Variants in CDKAL1 observed in about 807,000 individuals in gnomAD.
The protein encoded by CDKAL1 is threonylcarbamoyladenosine tRNA methylthiotransferase.
In CDKAL1, 32 loss-of-function variants were observed where a neutral mutation model predicts 68.2. The observed-to-expected ratio is 0.47, with a 90% CI of 0.35 to 0.63. The LOEUF (loss-of-function observed/expected upper bound fraction) is 0.63. CDKAL1 is among the 30% of genes least tolerant of loss of function. The pLI, the probability that CDKAL1 is intolerant of heterozygous loss-of-function variation, is 0.00. For missense variants in CDKAL1, 606 were observed against 696.7 expected, an observed-to-expected ratio of 0.87 and a Z score of 1.47; for synonymous variants, 234 against 244.3, an observed-to-expected ratio of 0.96 and a Z score of 0.39.
chr6:20,890,332 GC>G (rs1419385349), intron 9 of CDKAL1, among the ~76,000 whole-genome samples: 1 of 152,202 alleles, frequency 6.6e-6, no homozygotes, highest in Non-Finnish European at 1.5e-5. Flanking sequence ...AAGAAGTGGT[GC>G]TTATGGAGTT....
intron 8 of CDKAL1, among the ~76,000 whole-genome samples, chr6:20,816,014 T>G (rs1777028326): frequency 2.0e-5 from 3 of 152,150 alleles, no homozygotes; most frequent in Admixed American, 2.0e-4. Flanking sequence ...TTCTTGCTGC[T>G]TCTAGCTTCT....
intron 11 of CDKAL1, among the ~76,000 whole-genome samples, chr6:21,002,875 A>G (rs1251504745): frequency 6.6e-6 from 1 of 151,848 alleles, no homozygotes; most frequent in Admixed American, 6.6e-5. Flanking sequence ...TGTGATCCCA[A>G]CTACTTGGGA....
intron 9 of CDKAL1, among the ~76,000 whole-genome samples, chr6:20,949,650 A>T (rs1764425002): frequency 1.3e-5 from 2 of 152,132 alleles, no homozygotes; most frequent in Non-Finnish European, 2.9e-5. Flanking sequence ...ATTTTTGCAG[A>T]TCTGCCTGGG....
intron 9 of CDKAL1, among the ~76,000 whole-genome samples, chr6:20,946,294 T>C (rs935233660): frequency 4.6e-5 from 7 of 152,202 alleles, no homozygotes; most frequent in African/African-American, 1.4e-4. Context: ...ATACTCATAC[T>C]GTGTCTTTGC....
chr6:20,619,426 C>T (rs1015036873), intron 4 of CDKAL1, among the ~76,000 whole-genome samples: 2 of 152,104 alleles, frequency 1.3e-5, no homozygotes, highest in Non-Finnish European at 2.9e-5. Context: ...CATCAATTAA[C>T]TAGATTTAGT....
chr6:20,757,991 T>C (rs1009801630), intron 6 of CDKAL1, among the ~76,000 whole-genome samples: 17 of 152,182 alleles, frequency 1.1e-4, no homozygotes, highest in Admixed American at 1.0e-3. Context: ...CTAGGAAGCA[T>C]TCCTGCATCA....
At chr6:20,600,784 A>ATATATATATATG (rs1561956275) in intron 4 of CDKAL1, among the ~76,000 whole-genome samples, 18 of 148,412 alleles carry the variant, frequency 1.2e-4, no homozygotes, top group African/African-American at 4.2e-4. Flanking sequence ...ATATATATAT[A>ATATATATATATG]TATACACACA....
chr6:20,818,372 T>C (rs984573996), intron 8 of CDKAL1, among the ~76,000 whole-genome samples: 3 of 152,178 alleles, frequency 2.0e-5, no homozygotes, highest in African/African-American at 7.2e-5. Context: ...TATCAGATTG[T>C]ATTATAAATA....
At position 21,088,501 on chromosome 6, in the gene CDKAL1, TTAA is replaced by T. The variant is rs950018207; in HGVS notation, c.1237-19896_1237-19894del. Among the ~76,000 whole-genome samples the T allele has an allele frequency of 2.0e-5, 3 of 152,342 alleles. No homozygotes were observed. The South Asian group carries it at 6.2e-4, about 32-fold the overall frequency. ...AAGATGCAGTCTTACTTCAACCAACTTAATAAAGAACAAAGTTATGGAGCATAG... is the reference window on the plus strand; with the variant it reads ...AAGATGCAGTCTTACTTCAACCAACTTAAAGAACAAAGTTATGGAGCATAG... On this transcript the variant is annotated intron_variant, in intron 12 of 15. Transcript: ENST00000274695.
chr6:21,012,661 A>C (rs138616306), intron 11 of CDKAL1, among the ~76,000 whole-genome samples: 1 of 152,190 alleles, frequency 6.6e-6, no homozygotes, highest in Non-Finnish European at 1.5e-5. Context: ...TTTCTGCGCA[A>C]GCACTGAAGG....
At chr6:20,985,325 C>T (rs775858682) in intron 10 of CDKAL1, among the ~76,000 whole-genome samples, 4 of 152,134 alleles carry the variant, frequency 2.6e-5, no homozygotes, top group South Asian at 4.1e-4. Context: ...CAGAGTTTCA[C>T]TCTTGTTGCC....
At chr6:21,066,542 CCTA>C (rs1300700421) in intron 12 of CDKAL1, among the ~76,000 whole-genome samples, 2 of 152,204 alleles carry the variant, frequency 1.3e-5, no homozygotes, top group Non-Finnish European at 2.9e-5. Context: ...AGTAGTGCAA[CCTA>C]CTACATGACA....
chr6:21,146,992 C>A (rs1444315342), intron 13 of CDKAL1, among the ~76,000 whole-genome samples: 2 of 152,108 alleles, frequency 1.3e-5, no homozygotes, highest in Non-Finnish European at 2.9e-5. Context: ...TTTTTGGAAG[C>A]CTGCACGTGT....
intron 4 of CDKAL1, among the ~76,000 whole-genome samples, chr6:20,613,821 T>A (rs2127725363): frequency 6.6e-6 from 1 of 152,236 alleles, no homozygotes; most frequent in South Asian, 2.1e-4. Context: ...TTTTAGACTA[T>A]CTGGAAGTGT....
At position 21,109,249 on chromosome 6, in the gene CDKAL1, C is replaced by T. The variant is rs146109487; in HGVS notation, c.1299+786C>T. Among the ~76,000 whole-genome samples, 24 of 152,206 alleles carry T rather than the reference C, an allele frequency of 1.6e-4. No individual in the cohort carries two copies. The East Asian group carries it at 4.2e-3, about 27-fold the overall frequency. ...TAGGATTCCAGTAAATCTGTTAATT[C>T]GAGGTGATTTCAGAAGCAAACAAAA... On this transcript the variant is annotated intron_variant, in intron 13 of 15. Transcript: ENST00000274695.
At chr6:20,883,312 G>C (rs1383331435) in intron 9 of CDKAL1, among the ~76,000 whole-genome samples, 4 of 152,168 alleles carry the variant, frequency 2.6e-5, no homozygotes, top group Non-Finnish European at 5.9e-5. Flanking sequence ...CATTTTAGTT[G>C]ACAAGTGTAA....
At position 20,562,302 on chromosome 6, in the gene CDKAL1, C is replaced by T. The variant is rs180957680; in HGVS notation, c.286+13597C>T. ...TGAAGAGAGAAATAATAAGGGCCTT[C>T]AAAATGGGATTTCCATCCACTCAGA... On this transcript the variant is annotated intron_variant, in intron 4 of 15. Coordinates refer to ENST00000274695, the MANE Select transcript of CDKAL1 (RefSeq NM_017774.3). Among the ~76,000 whole-genome samples the T allele has an allele frequency of 1.9e-3, 284 of 151,948 alleles. 1 individual carries two copies. Among genetic ancestry groups the T allele is most frequent in the African/African-American group, 6.4e-3 (267 of 41,414 alleles).
At chr6:20,773,617 G>T (rs1048351341) in intron 7 of CDKAL1, among the ~76,000 whole-genome samples, 2 of 151,694 alleles carry the variant, frequency 1.3e-5, no homozygotes, top group African/African-American at 4.8e-5. Flanking sequence ...GCGCGATCTC[G>T]GCTCACTGCA....
intron 13 of CDKAL1, among the ~76,000 whole-genome samples, chr6:21,118,932 C>T (rs778488540): frequency 3.9e-5 from 6 of 152,194 alleles, no homozygotes; most frequent in South Asian, 2.1e-4. Flanking sequence ...ACAGAAATCT[C>T]GAATTCAGTT....
Sources: allele counts gnomAD v4.1 joint callset (sites outside exome capture counted in the v4.1 genomes callset), GRCh38; gene constraint gnomAD v4.1.1; transcripts MANE v1.5; gene names NCBI Gene and HGNC (gene_info 2026-07-23, HGNC 2026-07-21).